Variants in NCLN observed in about 807,000 individuals in gnomAD.
The protein encoded by NCLN is BOS complex subunit NCLN.
NCLN carries 34 observed loss-of-function variants against 69.5 expected under a neutral mutation model. The ratio of observed to expected loss-of-function variants is 0.49; its 90% CI spans 0.37 to 0.65. The LOEUF (loss-of-function observed/expected upper bound fraction) is 0.65, where lower values mean the gene tolerates loss of function less well. Ranked by LOEUF, NCLN falls within the 30% of genes least tolerant of loss-of-function variation. The probability of loss-of-function intolerance (pLI) is 0.00; values close to 1 mark genes in which losing one functional copy is unlikely to be tolerated. For missense variants in NCLN, 710 were observed against 804.8 expected, an observed-to-expected ratio of 0.88 and a Z score of 1.42; for synonymous variants, 393 against 358.3, an observed-to-expected ratio of 1.10 and a Z score of -1.09.
At position 3,196,451 on chromosome 19, in the gene NCLN, A is replaced by G. The variant is rs1024332656; in HGVS notation, c.615+174A>G. ...CTCCGCTGGCAGCTGCAGGAACCCAAACTCCTCACATGGCCGGGGAGTCGC... is the reference window on the plus strand; with the variant it reads ...CTCCGCTGGCAGCTGCAGGAACCCAGACTCCTCACATGGCCGGGGAGTCGC... On this transcript the variant is annotated intron_variant, in intron 4 of 14. Coordinates refer to ENST00000246117, the MANE Select transcript of NCLN (RefSeq NM_020170.4). Among the ~76,000 whole-genome samples the G allele has an allele frequency of 4.6e-5, 7 of 151,986 alleles. 1 individual carries two copies. In the South Asian group the frequency reaches 1.2e-3, roughly 27 times the overall value.
chr19:3,185,960 A>C lies in NCLN; in HGVS notation c.-71A>C. 8.0e-7 allele frequency: 1 copy of C among 1,250,882 alleles called. No homozygotes were observed. Among genetic ancestry groups the C allele is most frequent in the South Asian group, 2.1e-5 (1 of 48,274 alleles). 77.5% of individuals were successfully genotyped at this position (1,250,882 alleles called of 1,614,324 possible). ...CCCGGCGGCTACCCATGCCGAGGTG[A>C]GTCCGCGGGAGCCGCCGCCGCCGCC... On this transcript the variant is annotated 5_prime_UTR_variant, in exon 1 of 15. The change abolishes the stop of an existing upstream ORF in the 5' untranslated region. Transcript: ENST00000246117.
At position 3,192,471 on chromosome 19, in the gene NCLN, C is replaced by A; in HGVS notation, c.186C>A (p.Gly62=). ...QQYDLQGQPY[G]TRNAVLNTEA... is the part of the protein sequence containing the mutation. ...ACGACCCCGCCCCTGTGCCCACAGG[C>A]ACACGGAATGCAGTGCTGAACACGG... The change falls in exon 2 of 15, where the codon GGC becomes GGA. Residue 62 remains glycine (G), a splice_region_variant and synonymous_variant. Coordinates refer to ENST00000246117, the MANE Select transcript of NCLN (RefSeq NM_020170.4). 6.3e-7 allele frequency: 1 copy of A among 1,589,844 alleles called. No homozygotes were observed. The highest frequency in any genetic ancestry group is 8.5e-7 in the Non-Finnish European group (1 of 1,171,876).
At chr19:3,189,683 C>T (rs867116358) in intron 1 of NCLN, among the ~76,000 whole-genome samples, 24 of 152,376 alleles carry the variant, frequency 1.6e-4, no homozygotes, top group Middle Eastern at 3.4e-3. Flanking sequence ...GCTGGTTTCG[C>T]CTCCGCAGAG....
At position 3,205,811 on chromosome 19, in the gene NCLN, AAT is replaced by A; in HGVS notation, c.1209-127_1209-126del. The A allele has an allele frequency of 2.4e-6, 2 of 848,946 alleles. No homozygotes were observed. Among genetic ancestry groups the A allele is most frequent in the Non-Finnish European group, 3.7e-6 (2 of 534,134 alleles). 52.6% of individuals were successfully genotyped at this position (848,946 alleles called of 1,614,324 possible). A position where few individuals can be genotyped will look rare whatever the true frequency, so the allele number is the denominator to read the frequency against. On this transcript the variant is annotated intron_variant, in intron 9 of 14. Coordinates refer to ENST00000246117, the MANE Select transcript of NCLN (RefSeq NM_020170.4). This position sits in a 1 kb window ranked among gnomAD's most constrained non-coding sequence, Gnocchi z 4.6. ...TAGCCAAGTAGTTAAAGCTAAGCTT[AAT>A]TTTTTTTTTTTTTTAAAGACAGAGT...
chr19:3,196,259 G>C lies in NCLN; in HGVS notation c.597G>C (p.Trp199Cys), dbSNP rs1318813485. 1 of 1,550,780 alleles carries C rather than the reference G, an allele frequency of 6.4e-7. No individual in the cohort carries two copies. The highest frequency in any genetic ancestry group is 2.0e-5 in the Admixed American group (1 of 51,212). Residue 199 changes from tryptophan (W) to cysteine (C), a missense_variant, in exon 4 of 15, where the codon TGG (tryptophan) becomes TGC (cysteine). Trp to Cys is a radical substitution (Grantham distance 215, BLOSUM62 -2). Coordinates refer to ENST00000246117, the MANE Select transcript of NCLN (RefSeq NM_020170.4). ...TACAGAGCAAGGCCGTGAGTGACTG[G>C]CTGATTGCCAGCGTGGAGGTGAGTG... is the stretch of plus-strand genomic sequence containing the variant. Reference protein sequence around the residue: ...SGVQSKAVSDWLIASVEGRLT... With the variant: ...SGVQSKAVSDCLIASVEGRLT...
intron 4 of NCLN, among the ~76,000 whole-genome samples, chr19:3,198,257 A>G (rs1442790118): frequency 6.6e-6 from 1 of 152,114 alleles, no homozygotes; most frequent in Non-Finnish European, 1.5e-5. Context: ...CTGTAATCCC[A>G]GCACTTTGGG....
rs1273960801 is a variant in NCLN, at chr19:3,208,268, C to T, written c.*580C>T. 6.6e-6 allele frequency: 1 copy of T among 152,450 alleles called. No homozygotes were observed. The highest frequency in any genetic ancestry group is 1.5e-5 in the Non-Finnish European group (1 of 68,198). The allele number at this position is 152,450 out of a possible 1,614,324, so 9.4% of individuals were successfully genotyped here. On this transcript the variant is annotated 3_prime_UTR_variant, in exon 15 of 15. Coordinates refer to ENST00000246117, the MANE Select transcript of NCLN (RefSeq NM_020170.4). The stretch of plus-strand genomic sequence containing the variant: ...GAGCCTTTTGTTCCCCATGTGGTCT[C>T]AGTGACCCGTCCCCCTGACAGTGGG...
chr19:3,204,650 C>G lies in NCLN; in HGVS notation c.1107C>G (p.Ala369=). ...KRINLAEDVL[A]WEHERFAIRR... is the part of the protein sequence containing the mutation. The stretch of plus-strand genomic sequence containing the variant: ...TCAACCTGGCGGAGGACGTGCTGGC[C>G]TGGGAGCACGAGCGCTTCGCCATCC... Residue 369 remains alanine, a synonymous_variant, in exon 9 of 15, where the codon GCC becomes GCG. Transcript: ENST00000246117. 1 of 1,609,840 alleles carries G rather than the reference C, an allele frequency of 6.2e-7. No individual in the cohort carries two copies. The highest frequency in any genetic ancestry group is 8.5e-7 in the Non-Finnish European group (1 of 1,178,358).
intron 13 of NCLN, 46 bp downstream of exon 13, chr19:3,207,297 T>C: frequency 1.9e-6 from 3 of 1,612,594 alleles, no homozygotes; most frequent in Non-Finnish European, 2.5e-6. Context: ...CCCCTACGGG[T>C]TACAGCCGAG....
chr19:3,208,023 A>T lies in NCLN; in HGVS notation c.*335A>T. ...GCACACATGCACGATTAAAGAGGAGACGCCGGGACCCCCTGCCCGATCGCG... is the reference window on the plus strand; with the variant it reads ...GCACACATGCACGATTAAAGAGGAGTCGCCGGGACCCCCTGCCCGATCGCG... On this transcript the variant is annotated 3_prime_UTR_variant, in exon 15 of 15. Coordinates refer to ENST00000246117, the MANE Select transcript of NCLN (RefSeq NM_020170.4). 1 of 306,188 alleles carries T rather than the reference A, an allele frequency of 3.3e-6. No homozygotes were observed. Among genetic ancestry groups the T allele is most frequent in the Non-Finnish European group, 6.1e-6 (1 of 162,714 alleles). 19.0% of individuals were successfully genotyped at this position (306,188 alleles called of 1,614,324 possible). A position where few individuals can be genotyped will look rare whatever the true frequency, so the allele number is the denominator to read the frequency against.
At chr19:3,196,686 C>G (rs1396180663) in intron 4 of NCLN, among the ~76,000 whole-genome samples, 2 of 152,214 alleles carry the variant, frequency 1.3e-5, no homozygotes, top group East Asian at 3.9e-4. Context: ...ACAGACCCTT[C>G]CGAGCACCCC....
intron 12 of NCLN, 24 bp downstream of exon 12, chr19:3,206,449 C>T (rs2144920307): frequency 1.3e-6 from 2 of 1,537,866 alleles, no homozygotes; most frequent in Non-Finnish European, 1.8e-6. Context: ...TCCGCGCTGG[C>T]CCCGTTCAGC....
At chr19:3,204,433 TAGG>T (rs905576831) in intron 8 of NCLN, 137 bp from the exon 9 acceptor site, 4 of 973,058 alleles carry the variant, frequency 4.1e-6, no homozygotes, top group Non-Finnish European at 5.8e-6. Context: ...CAGCAGGCCT[TAGG>T]GGGACCCCGG....
chr19:3,198,261 C>T (rs1006493398), intron 4 of NCLN, among the ~76,000 whole-genome samples: 9 of 152,104 alleles, frequency 5.9e-5, no homozygotes, highest in Non-Finnish European at 1.2e-4. Flanking sequence ...AATCCCAGCA[C>T]TTTGGGAGGC....
intron 10 of NCLN, 47 bp from the exon 11 acceptor site, chr19:3,206,105 C>G: frequency 3.2e-6 from 5 of 1,564,194 alleles, no homozygotes; most frequent in Non-Finnish European, 3.5e-6. Flanking sequence ...GGCCCCAGCC[C>G]CACTGCAGGG....
intron 1 of NCLN, 34 bp from the exon 2 acceptor site, chr19:3,192,436 G>A (rs778772555): frequency 4.2e-5 from 64 of 1,536,288 alleles, no homozygotes; most frequent in South Asian, 3.8e-4. Flanking sequence ...CTGGCCACCC[G>A]CCGAGGCTCA....
intron 1 of NCLN, among the ~76,000 whole-genome samples, chr19:3,190,580 C>T (rs1047707766): frequency 3.3e-5 from 5 of 152,164 alleles, no homozygotes; most frequent in African/African-American, 4.8e-5. Context: ...GGAAGAGCTG[C>T]GTCTGTGGGG....
chr19:3,187,323 C>T (rs1915696356), intron 1 of NCLN, among the ~76,000 whole-genome samples: 2 of 152,170 alleles, frequency 1.3e-5, no homozygotes, highest in Non-Finnish European at 1.5e-5. Context: ...TTCTTCTTTT[C>T]AGCCTGGCCC....
rs756996770 is a variant in NCLN, at chr19:3,201,610, A to G, written c.784A>G (p.Lys262Glu). 6.4e-7 allele frequency: 1 copy of G among 1,552,342 alleles called. No individual in the cohort carries two copies. The highest frequency in any genetic ancestry group is 1.2e-5 in the South Asian group (1 of 85,236). The change falls in exon 6 of 15, where the codon AAG (lysine) becomes GAG (glutamate). Residue 262 changes from lysine (K) to glutamate (E), a missense_variant. Lys to Glu is a moderately conservative substitution (Grantham distance 56). Coordinates refer to ENST00000246117, the MANE Select transcript of NCLN (RefSeq NM_020170.4). ...CCTCTTCTCCCGGCTCTACACCTAC[A>G]AGCGCACGCACGCCGCGTGAGTGCC... ...ARLFSRLYTY[K>E]RTHAAYNLLF...
Sources: gnomAD v4.1 joint callset for allele counts (sites outside exome capture counted in the v4.1 genomes callset) on GRCh38, gnomAD v4.1.1 for gene constraint, Gnocchi (gnomAD v3.1) non-coding constraint, MANE v1.5 for transcripts, NCBI Gene and HGNC (gene_info 2026-07-23, HGNC 2026-07-21) for gene names.